The following P2RY6 variants were observed in gnomAD, a reference collection of about 807,000 sequenced individuals.
P2RY6 encodes the protein P2Y purinoceptor 6.
Under a neutral mutation model 16.3 loss-of-function variants are expected in P2RY6, and 19 were observed. That is an observed-to-expected ratio of 1.16 (90% confidence interval 0.81 to 1.71). The LOEUF (loss-of-function observed/expected upper bound fraction) is 1.71, where lower values mean the gene tolerates loss of function less well. Ranked by LOEUF, P2RY6 falls within the 40% of genes most tolerant of loss-of-function variation. The pLI, the probability that P2RY6 is intolerant of heterozygous loss-of-function variation, is 0.00. For missense variants in P2RY6, 389 were observed against 455.5 expected (o/e 0.85, Z 1.33); for synonymous variants, 184 against 201.5 (o/e 0.91, Z 0.74).
intron 1 of P2RY6, chr11:73,292,752 G>A: frequency 1.0e-6 from 1 of 981,796 alleles, no homozygotes; most frequent in Non-Finnish European, 1.2e-6. Context: ...CCCCCACAGG[G>A]GCTCTTTTAG....
At chr11:73,282,166 G>C (rs1264517243) in intron 1 of P2RY6, among the ~76,000 whole-genome samples, 3 of 152,166 alleles carry the variant, frequency 2.0e-5, no homozygotes, top group Non-Finnish European at 4.4e-5. Context: ...ATTTGAGACT[G>C]CTGTGAGCCT....
At chr11:73,265,444 T>C (rs1342052287) in intron 1 of P2RY6, 1 of 152,230 alleles carries the variant, frequency 6.6e-6, no homozygotes, top group Non-Finnish European at 1.5e-5. Flanking sequence ...TACCATCCAA[T>C]GAGTTGGCTC....
chr11:73,267,358 C>T (rs1382948714), upstream of P2RY6, among the ~76,000 whole-genome samples: 1 of 152,156 alleles, frequency 6.6e-6, no homozygotes, highest in African/African-American at 2.4e-5. Context: ...GAGGCCCCTC[C>T]TCATCAGAGC....
chr11:73,274,429 A>G (rs908144275), intron 1 of P2RY6, among the ~76,000 whole-genome samples: 10 of 152,132 alleles, frequency 6.6e-5, no homozygotes, highest in African/African-American at 1.9e-4. Context: ...CAAAAATGAA[A>G]GCATCAGGAG....
At chr11:73,268,042 C>A (rs892837967), upstream of P2RY6, among the ~76,000 whole-genome samples, 1 of 152,236 alleles carries the variant, frequency 6.6e-6, no homozygotes, top group African/African-American at 2.4e-5. Context: ...ATGGTGCCTG[C>A]GTGCCTGCCG....
At chr11:73,294,743 A>T (rs7947515) in intron 1 of P2RY6, among the ~76,000 whole-genome samples, 37,162 of 152,222 alleles carry the variant, frequency 0.24, 7,860 homozygotes, top group African/African-American at 0.58. Flanking sequence ...ATATAACTTT[A>T]AAAAATCCCA....
intron 1 of P2RY6, among the ~76,000 whole-genome samples, chr11:73,280,137 C>T (rs568032735): frequency 2.7e-4 from 41 of 152,284 alleles, no homozygotes; most frequent in African/African-American, 9.6e-4. Context: ...ATCCTTCCTA[C>T]CCCAGTCCTG....
At chr11:73,275,753 G>C (rs1863510348) in intron 1 of P2RY6, among the ~76,000 whole-genome samples, 1 of 152,198 alleles carries the variant, frequency 6.6e-6, no homozygotes. Context: ...TAGATTAAAA[G>C]CTAAACAGTC....
At chr11:73,276,449 A>T (rs1194050713) in intron 1 of P2RY6, among the ~76,000 whole-genome samples, 2 of 152,278 alleles carry the variant, frequency 1.3e-5, no homozygotes, top group Non-Finnish European at 2.9e-5. Flanking sequence ...ATAGCCAAAA[A>T]GTGGGAATAA....
chr11:73,267,722 A>G (rs1406547599), upstream of P2RY6, among the ~76,000 whole-genome samples: 1 of 152,194 alleles, frequency 6.6e-6, no homozygotes, highest in Non-Finnish European at 1.5e-5. Flanking sequence ...AGCTGGCGAC[A>G]AGCAGGACTG....
At chr11:73,283,633 T>C (rs1359649039) in intron 1 of P2RY6, among the ~76,000 whole-genome samples, 1 of 152,196 alleles carries the variant, frequency 6.6e-6, no homozygotes, top group African/African-American at 2.4e-5. Context: ...CTTGGTTCCA[T>C]CTTGCCAGCC....
At chr11:73,293,837 G>A (rs1864369908) in intron 1 of P2RY6, among the ~76,000 whole-genome samples, 1 of 152,154 alleles carries the variant, frequency 6.6e-6, no homozygotes, top group African/African-American at 2.4e-5. Context: ...TGAGACAGAG[G>A]GCTGTCCCTG....
At chr11:73,275,539 G>C (rs955387737) in intron 1 of P2RY6, among the ~76,000 whole-genome samples, 4 of 152,324 alleles carry the variant, frequency 2.6e-5, no homozygotes, top group Middle Eastern at 3.4e-3. Flanking sequence ...AGACAGACTT[G>C]GAAGTGCCAG....
intron 1 of P2RY6, among the ~76,000 whole-genome samples, chr11:73,281,741 CT>C (rs1461148506): frequency 6.6e-6 from 1 of 152,236 alleles, no homozygotes; most frequent in Non-Finnish European, 1.5e-5. Flanking sequence ...GATGACTGTG[CT>C]ATCCCAGGAG....
intron 1 of P2RY6, among the ~76,000 whole-genome samples, chr11:73,285,330 TC>T (rs1722933186): frequency 6.6e-6 from 1 of 152,252 alleles, no homozygotes; most frequent in South Asian, 2.1e-4. Flanking sequence ...CGCCTTGGCC[TC>T]CCAAAGTGCT....
At chr11:73,296,258 A>AAT (rs1491102279) in intron 2 of P2RY6, among the ~76,000 whole-genome samples, 5 of 146,320 alleles carry the variant, frequency 3.4e-5, no homozygotes, top group East Asian at 2.0e-4. Context: ...ATATATATAT[A>AAT]ATATATAAAC....
At chr11:73,290,936 G>A (rs1004444726) in intron 1 of P2RY6, among the ~76,000 whole-genome samples, 4 of 152,230 alleles carry the variant, frequency 2.6e-5, no homozygotes, top group African/African-American at 9.6e-5. Context: ...CCAAGGTCCT[G>A]AGGGCCCTCA....
chr11:73,264,933 C>T (rs1863053369), intron 1 of P2RY6, among the ~76,000 whole-genome samples: 3 of 152,194 alleles, frequency 2.0e-5, no homozygotes, highest in Admixed American at 2.0e-4. Context: ...AGGTGTGACC[C>T]ATGGATCACA....
intron 1 of P2RY6, among the ~76,000 whole-genome samples, chr11:73,291,813 C>T (rs1864261476): frequency 6.6e-6 from 1 of 151,894 alleles, no homozygotes; most frequent in African/African-American, 2.4e-5. Flanking sequence ...CCATATTCTA[C>T]CGAGGAGGCT....
Sources: gnomAD v4.1 joint callset for allele counts (sites outside exome capture counted in the v4.1 genomes callset) on GRCh38, gnomAD v4.1.1 for gene constraint, MANE v1.5 for transcripts, NCBI Gene and HGNC (gene_info 2026-07-23, HGNC 2026-07-21) for gene names.